PRKG1: variants seen among roughly 807,000 people sequenced by gnomAD.
PRKG1 encodes the protein cGMP-dependent protein kinase 1.
Under a neutral mutation model 88.1 loss-of-function variants are expected in PRKG1, and 35 were observed. The ratio of observed to expected loss-of-function variants is 0.40; its 90% confidence interval spans 0.30 to 0.53. The LOEUF (loss-of-function observed/expected upper bound fraction) is 0.53, where lower values mean the gene tolerates loss of function less well. Among genes scored for constraint, PRKG1 ranks in the 20% least tolerant of loss-of-function variants. The pLI is 0.59. For missense variants in PRKG1, 540 were observed against 839.8 expected (o/e 0.64, Z 4.41); for synonymous variants, 303 against 292.5 (o/e 1.04, Z -0.37).
At chr10:51,402,038 C>T (rs953322159) in intron 2 of PRKG1, among the ~76,000 whole-genome samples, 43 of 152,114 alleles carry the variant, frequency 2.8e-4, no homozygotes, top group African/African-American at 1.0e-3. Context: ...TTTAAGAGGT[C>T]CACTCTTTTT....
chr10:51,491,381 CAG>C (rs1329723406), intron 3 of PRKG1, among the ~76,000 whole-genome samples: 1 of 151,964 alleles, frequency 6.6e-6, no homozygotes, highest in Non-Finnish European at 1.5e-5. Context: ...GAAAATTTGA[CAG>C]GTGTGAATTT....
intron 3 of PRKG1, among the ~76,000 whole-genome samples, chr10:51,633,087 C>G (rs1437418512): frequency 6.6e-6 from 1 of 152,146 alleles, no homozygotes; most frequent in Non-Finnish European, 1.5e-5. Context: ...TTCTGACTAG[C>G]AGAACACCTT....
Position 52,145,873 on chromosome 10 carries a change from C to T in PRKG1, c.1001+11968C>T, listed in dbSNP as rs80003735. On this transcript the variant is annotated intron_variant, in intron 8 of 17. Coordinates refer to ENST00000373980, the MANE Select transcript of PRKG1 (RefSeq NM_006258.4). ...AGCATCAGCCACAATAACAGTGAAACTTCATTCCCAGACAGCTGTGTTTAC... is the reference window on the plus strand; with the variant it reads ...AGCATCAGCCACAATAACAGTGAAATTTCATTCCCAGACAGCTGTGTTTAC... Among the ~76,000 whole-genome samples, 471 of 152,318 alleles carry T rather than the reference C, an allele frequency of 3.1e-3. 1 individual carries two copies. Among genetic ancestry groups the T allele is most frequent in the African/African-American group, 0.011 (457 of 41,566 alleles).
Position 51,948,518 on chromosome 10 carries a change from G to A in PRKG1, c.762+40948G>A, listed in dbSNP as rs552197635. On this transcript the variant is annotated intron_variant, in intron 5 of 17. Transcript: ENST00000373980. ...AGGTATTATTTCATGAAACTTGTGT[G>A]TGTCTCTGTGTGTGTGTGTGTGTGT... 3.7e-3 allele frequency among the ~76,000 whole-genome samples: 440 copies of A among 117,892 alleles called. 1 individual carries two copies. The highest frequency in any genetic ancestry group is 0.017 in the African/African-American group (408 of 23,396). The allele number at this position is 117,892 out of a possible 152,430, so 77.3% of individuals were successfully genotyped here. A position where few individuals can be genotyped will look rare whatever the true frequency, so the allele number is the denominator to read the frequency against.
intron 9 of PRKG1, among the ~76,000 whole-genome samples, chr10:52,184,307 G>A (rs1839127194): frequency 6.6e-6 from 1 of 152,048 alleles, no homozygotes; most frequent in Non-Finnish European, 1.5e-5. Flanking sequence ...TTCAACCTAT[G>A]ATTTTATAAG....
rs1044560695 is a variant in PRKG1 at position 51,807,674 on chromosome 10, G to A, written c.698+2984G>A. On this transcript the variant is annotated intron_variant, in intron 4 of 17. Transcript: ENST00000373980. ...TGAGATTCTTCTTGGCCTCTCTGTT[G>A]TAGCATTTCTTCCTTCCAGGTATGA... 2.6e-5 allele frequency among the ~76,000 whole-genome samples: 4 copies of A among 152,148 alleles called. No homozygotes were observed. The East Asian group carries it at 7.7e-4, about 29-fold the overall frequency.
chr10:51,986,585 A>T (rs1469962358), intron 5 of PRKG1, among the ~76,000 whole-genome samples: 1 of 152,218 alleles, frequency 6.6e-6, no homozygotes. Flanking sequence ...ATCAGCTGCC[A>T]GAGAAAAAGT....
intron 2 of PRKG1, among the ~76,000 whole-genome samples, chr10:51,156,480 A>C (rs1219856169): frequency 6.6e-6 from 1 of 151,984 alleles, no homozygotes; most frequent in African/African-American, 2.4e-5. Context: ...ACGTTATCTT[A>C]ATTATCCTTT....
chr10:51,119,878 G>A (rs1259849141), intron 1 of PRKG1, among the ~76,000 whole-genome samples: 1 of 152,062 alleles, frequency 6.6e-6, no homozygotes, highest in African/African-American at 2.4e-5. Context: ...TATCAATGGA[G>A]AAGTAAGTCT....
chr10:51,193,288 C>T (rs1837676419), intron 2 of PRKG1, among the ~76,000 whole-genome samples: 1 of 151,920 alleles, frequency 6.6e-6, no homozygotes, highest in South Asian at 2.1e-4. Context: ...ACATCAAAAT[C>T]ACCTGGAGGT....
intron 3 of PRKG1, among the ~76,000 whole-genome samples, chr10:51,767,507 A>G (rs1214280082): frequency 1.3e-5 from 2 of 152,194 alleles, no homozygotes; most frequent in Non-Finnish European, 2.9e-5. Flanking sequence ...TCTCTACCTT[A>G]TGTACATATG....
At chr10:51,677,347 CTT>C (rs1840736723) in intron 3 of PRKG1, among the ~76,000 whole-genome samples, 1 of 152,066 alleles carries the variant, frequency 6.6e-6, no homozygotes, top group Admixed American at 6.6e-5. Context: ...TGCACACACT[CTT>C]GTTTGTTATA....
chr10:52,105,850 G>C (rs1589610619), intron 7 of PRKG1, among the ~76,000 whole-genome samples: 1 of 151,656 alleles, frequency 6.6e-6, no homozygotes, highest in African/African-American at 2.4e-5. Context: ...TTTTTTGGGA[G>C]ACAGGTGGTT....
chr10:51,399,098 T>G (rs1179860965), intron 2 of PRKG1, among the ~76,000 whole-genome samples: 1 of 151,982 alleles, frequency 6.6e-6, no homozygotes. Context: ...TATATACATC[T>G]TATTTATGTA....
chr10:51,574,843 G>A (rs1281345946), intron 3 of PRKG1, among the ~76,000 whole-genome samples: 1 of 151,926 alleles, frequency 6.6e-6, no homozygotes, highest in Non-Finnish European at 1.5e-5. Context: ...GAACTAGGTT[G>A]AGAATTAAAG....
At chr10:52,089,005 T>C (rs1589596899) in intron 7 of PRKG1, among the ~76,000 whole-genome samples, 2 of 152,208 alleles carry the variant, frequency 1.3e-5, no homozygotes, top group Non-Finnish European at 2.9e-5. Flanking sequence ...ATTTAAAAAA[T>C]GTTATACAAT....
intron 1 of PRKG1, among the ~76,000 whole-genome samples, chr10:51,100,449 C>T (rs779165847): frequency 5.3e-5 from 8 of 152,106 alleles, no homozygotes; most frequent in Non-Finnish European, 2.9e-5. Context: ...CATTCACTGC[C>T]GAATTGCCTG....
intron 3 of PRKG1, among the ~76,000 whole-genome samples, chr10:51,659,331 C>T (rs1840238545): frequency 1.3e-5 from 2 of 152,044 alleles, no homozygotes; most frequent in Admixed American, 1.3e-4. Flanking sequence ...TGATCTGGAA[C>T]AGTCAGATGC....
At chr10:51,370,538 A>G (rs1310170802) in intron 2 of PRKG1, among the ~76,000 whole-genome samples, 3 of 149,472 alleles carry the variant, frequency 2.0e-5, no homozygotes, top group Non-Finnish European at 3.0e-5. Flanking sequence ...GTGTGTAAGG[A>G]AAGTTTAGTC....
Sources: gnomAD v4.1 joint callset for allele counts (sites outside exome capture counted in the v4.1 genomes callset) on GRCh38, gnomAD v4.1.1 for gene constraint, MANE v1.5 for transcripts, NCBI Gene and HGNC (gene_info 2026-07-23, HGNC 2026-07-21) for gene names.